The following DAB1 variants were observed in gnomAD, a reference collection of about 807,000 sequenced individuals.
DAB1 encodes the protein disabled homolog 1.
A neutral mutation model predicts 64.6 loss-of-function variants in DAB1; 15 were observed. The ratio of observed to expected loss-of-function variants is 0.23; its 90% CI spans 0.16 to 0.36. The LOEUF (loss-of-function observed/expected upper bound fraction) is 0.36, where lower values mean the gene tolerates loss of function less well. Ranked by LOEUF, DAB1 falls within the 10% of genes least tolerant of loss-of-function variation. The pLI is 1.00. For synonymous variants in DAB1, 235 were observed against 251.9 expected (o/e 0.93, Z 0.64); for missense variants, 596 against 706.7 (o/e 0.84, Z 1.78).
chr1:58,520,053 C>T (rs1440286500), intron 2 of DAB1, among the ~76,000 whole-genome samples: 2 of 152,022 alleles, frequency 1.3e-5, no homozygotes, highest in African/African-American at 2.4e-5. Context: ...ATTGACTACA[C>T]ATGGACACAA....
intron 3 of DAB1, among the ~76,000 whole-genome samples, chr1:58,469,564 G>C (rs1645334406): frequency 6.6e-6 from 1 of 152,158 alleles, no homozygotes; most frequent in Admixed American, 6.5e-5. Flanking sequence ...GGGTGAATCA[G>C]AATGATCTCC....
chr1:57,286,418 T>C (rs1672321250), intron 2 of DAB1, among the ~76,000 whole-genome samples: 1 of 152,174 alleles, frequency 6.6e-6, no homozygotes, highest in Non-Finnish European at 1.5e-5. Flanking sequence ...AACACACTAA[T>C]GTCAAATAAC....
chr1:58,006,598 T>G (rs1646587129), intron 5 of DAB1, among the ~76,000 whole-genome samples: 1 of 152,156 alleles, frequency 6.6e-6, no homozygotes, highest in Non-Finnish European at 1.5e-5. Flanking sequence ...TCAATAAATG[T>G]TTGTTGACTG....
chr1:57,568,619 T>A (rs1645153193), intron 7 of DAB1, among the ~76,000 whole-genome samples: 1 of 152,008 alleles, frequency 6.6e-6, no homozygotes, highest in African/African-American at 2.4e-5. Flanking sequence ...GGGCAAAAGG[T>A]ATGAACAGAC....
At chr1:57,396,105 C>T (rs753185591) in intron 1 of DAB1, among the ~76,000 whole-genome samples, 4 of 152,192 alleles carry the variant, frequency 2.6e-5, no homozygotes, top group Non-Finnish European at 4.4e-5. Flanking sequence ...AGAGCAAAAG[C>T]GCTGAGAGGT....
intron 7 of DAB1, among the ~76,000 whole-genome samples, chr1:57,448,002 G>A (rs761092191): frequency 6.6e-6 from 1 of 152,034 alleles, no homozygotes; most frequent in African/African-American, 2.4e-5. Flanking sequence ...TAATAAATAG[G>A]GAACAAATTG....
At chr1:58,340,682 T>C (rs1643920029) in intron 4 of DAB1, among the ~76,000 whole-genome samples, 1 of 152,146 alleles carries the variant, frequency 6.6e-6, no homozygotes, top group Non-Finnish European at 1.5e-5. Flanking sequence ...CTACCCTACA[T>C]GGAAACACAG....
intron 6 of DAB1, among the ~76,000 whole-genome samples, chr1:57,691,816 C>T (rs1470353490): frequency 6.6e-6 from 1 of 152,154 alleles, no homozygotes; most frequent in Non-Finnish European, 1.5e-5. Context: ...GCAGTGAGCA[C>T]TCTCAGACCC....
intron 11 of DAB1, 72 bp from the exon 12 acceptor site, chr1:57,015,503 A>C: frequency 7.4e-7 from 1 of 1,354,870 alleles, no homozygotes. Flanking sequence ...GGACTCAGGT[A>C]ATTGACAGAA....
At chr1:57,795,525 G>A (rs1650804346) in intron 6 of DAB1, among the ~76,000 whole-genome samples, 1 of 151,492 alleles carries the variant, frequency 6.6e-6, no homozygotes, top group Non-Finnish European at 1.5e-5. Flanking sequence ...TACCAAAGAA[G>A]TGTAATTATT....
chr1:57,858,323 T>C (rs936088634), intron 1 of DAB1, among the ~76,000 whole-genome samples: 3 of 152,190 alleles, frequency 2.0e-5, no homozygotes, highest in Non-Finnish European at 4.4e-5. Context: ...GGTTAAAGAA[T>C]GTCCATTACC....
At chr1:57,641,132 C>T (rs1646122294) in intron 7 of DAB1, among the ~76,000 whole-genome samples, 1 of 152,046 alleles carries the variant, frequency 6.6e-6, no homozygotes, top group Non-Finnish European at 1.5e-5. Flanking sequence ...TCTAAGGTTG[C>T]TATAAGGACA....
intron 7 of DAB1, among the ~76,000 whole-genome samples, chr1:57,542,898 T>G (rs1247764660): frequency 6.6e-6 from 1 of 152,188 alleles, no homozygotes; most frequent in Non-Finnish European, 1.5e-5. Flanking sequence ...TCCATGTCTG[T>G]CTGTGTCTCT....
chr1:57,640,111 C>T (rs778183437), intron 7 of DAB1, among the ~76,000 whole-genome samples: 9 of 152,066 alleles, frequency 5.9e-5, no homozygotes, highest in African/African-American at 1.9e-4. Flanking sequence ...ATGCAGGTCT[C>T]GTGTATTACA....
intron 5 of DAB1, among the ~76,000 whole-genome samples, chr1:57,986,283 G>A (rs1350249449): frequency 2.6e-5 from 4 of 152,098 alleles, no homozygotes; most frequent in Non-Finnish European, 4.4e-5. Context: ...GGGGCCTTTG[G>A]GAAGTGATTA....
rs927497077 is a variant in DAB1, at chr1:58,223,027, C to T, written n.310-72439G>A. 3.3e-5 allele frequency among the ~76,000 whole-genome samples: 5 copies of T among 152,162 alleles called. No homozygotes were observed. In the East Asian group the frequency reaches 7.7e-4, roughly 23 times the overall value. On this transcript the variant is annotated intron_variant and non_coding_transcript_variant, in intron 4 of 20. Transcript: ENST00000485760. ...TCTTTGAGACTCCCCATAGCACTTA[C>T]CCCATTTGTTGATAGCATGCATTCA...
chr1:58,116,103 C>T (rs1367038421), intron 5 of DAB1, among the ~76,000 whole-genome samples: 1 of 151,936 alleles, frequency 6.6e-6, no homozygotes, highest in Non-Finnish European at 1.5e-5. Flanking sequence ...GGCCAGGTGA[C>T]ACAGTTTTAA....
chr1:58,413,659 T>C (rs536721391), intron 3 of DAB1, among the ~76,000 whole-genome samples: 3 of 152,292 alleles, frequency 2.0e-5, no homozygotes, highest in South Asian at 2.1e-4. Flanking sequence ...ATGCTGCTAA[T>C]GGAAGAAAAT....
intron 3 of DAB1, among the ~76,000 whole-genome samples, chr1:58,444,015 A>G (rs933638169): frequency 1.3e-5 from 2 of 152,248 alleles, no homozygotes; most frequent in Admixed American, 6.5e-5. Flanking sequence ...TGAAGATTAA[A>G]TGAGATAATG....
Sources: gnomAD v4.1 joint callset for allele counts (sites outside exome capture counted in the v4.1 genomes callset) on GRCh38, gnomAD v4.1.1 for gene constraint, MANE v1.5 for transcripts, NCBI Gene and HGNC (gene_info 2026-07-23, HGNC 2026-07-21) for gene names.